The following DLG2 variants were observed in gnomAD, a reference collection of about 807,000 sequenced individuals.
The protein encoded by DLG2 is disks large homolog 2.
In DLG2, 45 loss-of-function variants were observed where a neutral mutation model predicts 132.5. That is an observed-to-expected ratio of 0.34 (90% confidence interval 0.27 to 0.44). The LOEUF is 0.44. DLG2 is among the 20% of genes least tolerant of loss of function. The probability of loss-of-function intolerance (pLI) is 1.00; values close to 1 mark genes in which losing one functional copy is unlikely to be tolerated. For missense variants in DLG2, 1,045 were observed against 1,196.9 expected (o/e 0.87, Z 1.87); for synonymous variants, 424 against 419.6 (o/e 1.01, Z -0.13).
intron 7 of DLG2, among the ~76,000 whole-genome samples, chr11:84,252,463 T>G (rs1281609942): frequency 6.6e-6 from 1 of 152,078 alleles, no homozygotes; most frequent in Non-Finnish European, 1.5e-5. Flanking sequence ...GCACCTCTAA[T>G]CATAAACCTC....
chr11:84,918,424 G>A (rs2092597359), intron 6 of DLG2, among the ~76,000 whole-genome samples: 1 of 152,094 alleles, frequency 6.6e-6, no homozygotes, highest in Admixed American at 6.6e-5. Context: ...TAGACACCCT[G>A]TACTGTTTAT....
At chr11:84,596,197 T>G (rs982025644) in intron 6 of DLG2, among the ~76,000 whole-genome samples, 2 of 150,776 alleles carry the variant, frequency 1.3e-5, no homozygotes, top group Admixed American at 1.3e-4. Context: ...TCTGTCTCTC[T>G]CTCTCTCTCT....
chr11:84,866,768 A>AT (rs1566201703), intron 6 of DLG2, among the ~76,000 whole-genome samples: 2 of 152,148 alleles, frequency 1.3e-5, no homozygotes, highest in South Asian at 4.1e-4. Context: ...TAGTTATACC[A>AT]TTTTTTTGAA....
intron 4 of DLG2, among the ~76,000 whole-genome samples, chr11:85,252,573 G>A (rs561948270): frequency 8.5e-5 from 13 of 152,164 alleles, no homozygotes; most frequent in Non-Finnish European, 1.3e-4. Flanking sequence ...GCAACAGAGC[G>A]AGACTCTGTC....
At chr11:85,460,447 A>T (rs186871928) in intron 3 of DLG2, among the ~76,000 whole-genome samples, 13 of 152,234 alleles carry the variant, frequency 8.5e-5, no homozygotes, top group African/African-American at 3.1e-4. Flanking sequence ...TCACTCACTC[A>T]CAATTTCCTG....
At chr11:85,324,779 C>T (rs1416549356) in intron 3 of DLG2, among the ~76,000 whole-genome samples, 1 of 152,138 alleles carries the variant, frequency 6.6e-6, no homozygotes, top group Non-Finnish European at 1.5e-5. Context: ...CCAAGATGGC[C>T]GAATAGGAAC....
intron 17 of DLG2, among the ~76,000 whole-genome samples, chr11:83,815,871 A>C (rs1385482510): frequency 6.6e-6 from 1 of 152,160 alleles, no homozygotes; most frequent in African/African-American, 2.4e-5. Flanking sequence ...TGGAGAATAC[A>C]AACAAGTATT....
chr11:84,602,072 A>G lies in DLG2; in HGVS notation c.358-67341T>C, dbSNP rs548207329. ...AAACTCAGATTCAGACATTCATTCA[A>G]TGAAGAAATATTGACTGCTTATTAG... On this transcript the variant is annotated intron_variant, in intron 6 of 27. Coordinates refer to ENST00000376104, the MANE Select transcript of DLG2 (RefSeq NM_001142699.3). Among the ~76,000 whole-genome samples the G allele has an allele frequency of 2.2e-4, 34 of 152,162 alleles. No individual in the cohort carries two copies. The East Asian group carries it at 5.8e-3, about 26-fold the overall frequency.
chr11:84,611,390 A>G (rs554699752), intron 6 of DLG2, among the ~76,000 whole-genome samples: 1 of 152,302 alleles, frequency 6.6e-6, no homozygotes, highest in Non-Finnish European at 1.5e-5. Context: ...CTGTGTGACC[A>G]GTGTTGTCAA....
At chr11:83,642,975 T>TAA (rs201125076) in intron 18 of DLG2, among the ~76,000 whole-genome samples, 2 of 151,228 alleles carry the variant, frequency 1.3e-5, no homozygotes, top group African/African-American at 4.9e-5. Flanking sequence ...AATAAATGAA[T>TAA]AAAAAAAAAC....
intron 7 of DLG2, among the ~76,000 whole-genome samples, chr11:84,397,609 G>A (rs2098815211): frequency 1.3e-5 from 2 of 152,192 alleles, no homozygotes; most frequent in African/African-American, 4.8e-5. Flanking sequence ...AAAAATGGAA[G>A]GAGCAGAGGT....
chr11:85,080,426 T>C (rs932276015), intron 6 of DLG2, among the ~76,000 whole-genome samples: 3 of 152,138 alleles, frequency 2.0e-5, no homozygotes, highest in African/African-American at 7.2e-5. Flanking sequence ...TAGCTAAACA[T>C]TTAAATGATC....
chr11:84,714,628 TC>T (rs1360748570), intron 6 of DLG2, among the ~76,000 whole-genome samples: 14 of 75,604 alleles, frequency 1.9e-4, no homozygotes, highest in East Asian at 9.5e-4. Context: ...TCTCTTTCTC[TC>T]TCTCTCTCTC....
chr11:84,600,197 AAAG>A (rs1274095310), intron 6 of DLG2, among the ~76,000 whole-genome samples: 3 of 136,630 alleles, frequency 2.2e-5, no homozygotes, highest in Non-Finnish European at 1.5e-5. Context: ...AGAAAGAAAG[AAAG>A]AAAGAAAGAA....
At chr11:85,444,323 G>A (rs1372137985) in intron 3 of DLG2, among the ~76,000 whole-genome samples, 4 of 152,090 alleles carry the variant, frequency 2.6e-5, no homozygotes, top group East Asian at 1.9e-4. Context: ...CCTTGACCAC[G>A]ACATTTGCAG....
At chr11:83,962,852 A>G in intron 14 of DLG2, 33 bp downstream of exon 14, 1 of 1,610,126 alleles carries the variant, frequency 6.2e-7, no homozygotes, top group Non-Finnish European at 8.5e-7. Context: ...TGGTAATAAG[A>G]GCAAATCCAA....
chr11:83,920,200 T>C (rs574925873), intron 15 of DLG2, among the ~76,000 whole-genome samples: 6 of 152,154 alleles, frequency 3.9e-5, no homozygotes, highest in African/African-American at 1.4e-4. Flanking sequence ...TCATTTCCTC[T>C]GGCATAGAGT....
intron 6 of DLG2, among the ~76,000 whole-genome samples, chr11:85,093,926 C>T (rs1236894231): frequency 6.6e-6 from 1 of 152,200 alleles, no homozygotes; most frequent in East Asian, 1.9e-4. Flanking sequence ...TCAAACCATA[C>T]TTAATTTCCA....
At chr11:84,827,713 T>C (rs942157039) in intron 6 of DLG2, among the ~76,000 whole-genome samples, 1 of 61,388 alleles carries the variant, frequency 1.6e-5, no homozygotes, top group African/African-American at 6.4e-5. Flanking sequence ...AGGTCAGAAA[T>C]ACAAACTTAG....
Sources: allele counts gnomAD v4.1 joint callset (sites outside exome capture counted in the v4.1 genomes callset), GRCh38; gene constraint gnomAD v4.1.1; transcripts MANE v1.5; gene names NCBI Gene and HGNC (gene_info 2026-07-23, HGNC 2026-07-21).